The following WSCD2 variants were observed in gnomAD, a reference collection of about 807,000 sequenced individuals.
The protein encoded by WSCD2 is WSC domain sialate O sulfotransferase 2.
A neutral mutation model predicts 55.7 loss-of-function variants in WSCD2; 28 were observed. That is an observed-to-expected ratio of 0.50 (90% CI 0.37 to 0.69). The LOEUF (loss-of-function observed/expected upper bound fraction) is 0.69. WSCD2 is among the 30% of genes least tolerant of loss of function. WSCD2 has a pLI of 0.00. For synonymous variants in WSCD2, 301 were observed against 301.9 expected, an observed-to-expected ratio of 1.00 and a Z score of 0.03; for missense variants, 616 against 762.1, an observed-to-expected ratio of 0.81 and a Z score of 2.26.
chr12:108,193,705 G>A (rs529195339), intron 1 of WSCD2, among the ~76,000 whole-genome samples: 2 of 152,238 alleles, frequency 1.3e-5, no homozygotes, highest in South Asian at 4.2e-4. Context: ...ATGGATGGAT[G>A]GGTGGATGGA....
chr12:108,148,906 A>G (rs1301905023), intron 1 of WSCD2, among the ~76,000 whole-genome samples: 1 of 152,152 alleles, frequency 6.6e-6, no homozygotes, highest in African/African-American at 2.4e-5. Flanking sequence ...CCACAGTCAC[A>G]CAGCAGATGT....
rs371932635 is a variant in WSCD2 at position 108,248,302 on chromosome 12, C to T, written c.1657C>T (p.Arg553Trp). The change falls in exon 9 of 9, where the codon CGG (arginine) becomes TGG (tryptophan). Residue 553 changes from arginine (R) to tryptophan (W), a missense_variant. Physicochemically the swap from Arg to Trp is moderately radical, Grantham distance 101. Around this residue, in one of 3 missense-constraint regions of WSCD2, gnomAD observed 234 missense variants for 264.6 expected, o/e 0.88. Coordinates refer to ENST00000547525, the MANE Select transcript of WSCD2 (RefSeq NM_014653.4). This position sits in a 1 kb window ranked among gnomAD's most constrained non-coding sequence, Gnocchi z 4.3. ...IKMVDAALKGRNLTGVPDDYY... is the reference protein window; with the variant it reads ...IKMVDAALKGWNLTGVPDDYY... ...GATGGTGGATGCAGCCCTCAAAGGG[C>T]GGAACCTAACGGGTGTCCCCGATGA... 4.3e-5 allele frequency: 69 copies of T among 1,614,080 alleles called. No homozygotes were observed. The Middle Eastern group carries it at 4.9e-4, about 12-fold the overall frequency.
At chr12:108,204,268 C>G (rs1458531830) in intron 2 of WSCD2, among the ~76,000 whole-genome samples, 2 of 152,140 alleles carry the variant, frequency 1.3e-5, no homozygotes, top group East Asian at 3.8e-4. Context: ...ACCTGTTGAT[C>G]TGCTGACAAA....
In WSCD2 at chr12:108,240,360, G is replaced by A; in HGVS notation, c.1161G>A (p.Arg387=). 6.2e-7 allele frequency: 1 copy of A among 1,614,068 alleles called. No individual in the cohort carries two copies. The stretch of plus-strand genomic sequence containing the variant: ...TGCGGGAAGGGTTTAAAGGTGAGCG[G>A]GACCACTGGCGCAGCGGACGGACCA... The part of the protein sequence containing the change: ...SLYNKGFKGE[R]DHWRSGRTIC... Residue 387 remains arginine, a synonymous_variant, in exon 8 of 9, where the codon CGG becomes CGA. Transcript: ENST00000547525.
intron 2 of WSCD2, chr12:108,196,457 A>T: frequency 1.9e-6 from 1 of 533,428 alleles, no homozygotes; most frequent in Non-Finnish European, 3.2e-6. Context: ...TTTGAACTCC[A>T]CATCTATCAG....
intron 1 of WSCD2, among the ~76,000 whole-genome samples, chr12:108,159,288 C>T (rs1440888301): frequency 6.6e-6 from 1 of 152,208 alleles, no homozygotes; most frequent in Non-Finnish European, 1.5e-5. Flanking sequence ...GTGCTGATAG[C>T]CAATGTGCCT....
At chr12:108,176,614 A>C (rs535064791) in intron 1 of WSCD2, among the ~76,000 whole-genome samples, 1 of 152,260 alleles carries the variant, frequency 6.6e-6, no homozygotes, top group South Asian at 2.1e-4. Flanking sequence ...AAATATTTGC[A>C]TGCAGATTTT....
At chr12:108,150,993 C>T (rs534000328) in intron 1 of WSCD2, among the ~76,000 whole-genome samples, 3 of 152,122 alleles carry the variant, frequency 2.0e-5, no homozygotes, top group Admixed American at 2.0e-4. Flanking sequence ...TGAGCCCACG[C>T]CCTGGCCCCT....
intron 2 of WSCD2, among the ~76,000 whole-genome samples, chr12:108,203,816 T>G (rs879826776): frequency 2.6e-5 from 4 of 152,234 alleles, no homozygotes; most frequent in African/African-American, 4.8e-5. Flanking sequence ...TTCTGCAGCA[T>G]GAGCATTCCT....
chr12:108,237,015 G>A (rs1593114916), intron 7 of WSCD2, among the ~76,000 whole-genome samples: 1 of 152,340 alleles, frequency 6.6e-6, no homozygotes, highest in South Asian at 2.1e-4. Flanking sequence ...AGCCTACAGA[G>A]TTGGCAGCCT....
chr12:108,172,102 G>C (rs1880308407), intron 1 of WSCD2, among the ~76,000 whole-genome samples: 1 of 152,136 alleles, frequency 6.6e-6, no homozygotes. Context: ...GGCTGTCAGA[G>C]ACCTCTAAGA....
intron 1 of WSCD2, among the ~76,000 whole-genome samples, chr12:108,160,105 G>T (rs1878914875): frequency 6.6e-6 from 1 of 152,198 alleles, no homozygotes; most frequent in Non-Finnish European, 1.5e-5. Flanking sequence ...GCCTTTAGAG[G>T]CTGCCAAGGA....
In WSCD2 at chr12:108,148,975, A is replaced by G. The variant is rs116249635; in HGVS notation, c.-552+19049A>G. ...TGATTTCAAGGTGGGGGTCAAGGAGACACAACCCACCTTCAGGTAATAGGC... is the reference window on the plus strand; with the variant it reads ...TGATTTCAAGGTGGGGGTCAAGGAGGCACAACCCACCTTCAGGTAATAGGC... On this transcript the variant is annotated intron_variant, in intron 1 of 8. Coordinates refer to ENST00000547525, the MANE Select transcript of WSCD2 (RefSeq NM_014653.4). 5.5e-3 allele frequency among the ~76,000 whole-genome samples: 840 copies of G among 152,286 alleles called. 4 individuals are homozygous for G. Among genetic ancestry groups the G allele is most frequent in the African/African-American group, 0.019 (802 of 41,552 alleles).
chr12:108,244,984 A>G (rs546135100), intron 8 of WSCD2, among the ~76,000 whole-genome samples: 1 of 152,334 alleles, frequency 6.6e-6, no homozygotes, highest in South Asian at 2.1e-4. Flanking sequence ...TTCTTTATCC[A>G]GTCCTCCACT....
At chr12:108,218,798 C>T (rs1887138179) in intron 4 of WSCD2, among the ~76,000 whole-genome samples, 2 of 152,158 alleles carry the variant, frequency 1.3e-5, no homozygotes, top group Admixed American at 1.3e-4. Context: ...GTGATGCAAA[C>T]AACCGGGACA....
At chr12:108,242,872 G>A (rs1889860052) in intron 8 of WSCD2, among the ~76,000 whole-genome samples, 1 of 152,224 alleles carries the variant, frequency 6.6e-6, no homozygotes, top group African/African-American at 2.4e-5. Flanking sequence ...CGGAGAGGCT[G>A]CAGGGAGTAT....
intron 4 of WSCD2, among the ~76,000 whole-genome samples, chr12:108,217,306 C>T (rs1886955819): frequency 1.3e-5 from 2 of 152,208 alleles, no homozygotes; most frequent in South Asian, 4.1e-4. Flanking sequence ...CTTTATACCA[C>T]AGGAGAGTGT....
intron 7 of WSCD2, among the ~76,000 whole-genome samples, chr12:108,236,045 C>T (rs1048484908): frequency 2.0e-5 from 3 of 152,252 alleles, no homozygotes; most frequent in Admixed American, 1.3e-4. Flanking sequence ...CCCTTTCAGA[C>T]TCCAGGTATA....
intron 1 of WSCD2, among the ~76,000 whole-genome samples, chr12:108,143,857 T>G (rs942987282): frequency 3.3e-5 from 5 of 152,066 alleles, no homozygotes; most frequent in South Asian, 2.1e-4. Flanking sequence ...CGGAAAGCTG[T>G]GATGGCACCA....
Sources: allele counts gnomAD v4.1 joint callset (sites outside exome capture counted in the v4.1 genomes callset), GRCh38; gene constraint gnomAD v4.1.1; regional missense constraint gnomAD v4.1.1; non-coding constraint Gnocchi (gnomAD v3.1); transcripts MANE v1.5; gene names NCBI Gene and HGNC (gene_info 2026-07-23, HGNC 2026-07-21).